PDGFD: variants seen among roughly 807,000 people sequenced by gnomAD.
PDGFD encodes the protein platelet-derived growth factor D.
PDGFD carries 30 observed loss-of-function variants against 44.7 expected under a neutral mutation model. That is an observed-to-expected ratio of 0.67 (90% CI 0.50 to 0.91). The LOEUF (loss-of-function observed/expected upper bound fraction) is 0.91, where lower values mean the gene tolerates loss of function less well. Ranked by LOEUF, PDGFD falls within the 40% of genes least tolerant of loss-of-function variation. The pLI is 0.00. For missense variants in PDGFD, 445 were observed against 457.8 expected (o/e 0.97, Z 0.25); for synonymous variants, 173 against 168.4 (o/e 1.03, Z -0.21).
At chr11:104,061,831 C>T (rs891890585) in intron 1 of PDGFD, among the ~76,000 whole-genome samples, 1 of 152,074 alleles carries the variant, frequency 6.6e-6, no homozygotes, top group African/African-American at 2.4e-5. Flanking sequence ...TGGTCTTGAA[C>T]GCCTGGCCTC....
chr11:104,119,959 ATATT>A (rs1310647581), intron 1 of PDGFD, among the ~76,000 whole-genome samples: 1 of 140,204 alleles, frequency 7.1e-6, no homozygotes, highest in East Asian at 2.0e-4. Context: ...AAGTTATTAT[ATATT>A]TATATTACAT....
intron 1 of PDGFD, among the ~76,000 whole-genome samples, chr11:104,125,351 G>A (rs1222452716): frequency 6.6e-6 from 1 of 151,754 alleles, no homozygotes; most frequent in Non-Finnish European, 1.5e-5. Context: ...GTTGGTTTGT[G>A]GATCAAAAGA....
At chr11:104,156,698 G>C (rs142198090) in intron 1 of PDGFD, among the ~76,000 whole-genome samples, 344 of 152,250 alleles carry the variant, frequency 2.3e-3, no homozygotes, top group African/African-American at 8.2e-3. Flanking sequence ...GCATACCAGA[G>C]GGAAGATGAA....
intron 5 of PDGFD, among the ~76,000 whole-genome samples, chr11:103,941,020 C>A (rs1013031720): frequency 5.9e-5 from 9 of 152,106 alleles, no homozygotes; most frequent in Non-Finnish European, 1.0e-4. Flanking sequence ...TTCCATCCCA[C>A]AAACATTAAT....
At chr11:103,926,405 A>G (rs1858315252) in intron 6 of PDGFD, among the ~76,000 whole-genome samples, 1 of 152,240 alleles carries the variant, frequency 6.6e-6, no homozygotes, top group Non-Finnish European at 1.5e-5. Context: ...GCACTTAATA[A>G]TAGTTAAAAT....
chr11:103,955,157 C>G (rs1222997029), intron 3 of PDGFD, among the ~76,000 whole-genome samples: 22 of 82,988 alleles, frequency 2.7e-4, no homozygotes, highest in African/African-American at 8.7e-4. Context: ...GAGCGAGACT[C>G]CGTCTCAAAA....
chr11:104,067,543 A>G (rs1860807652), intron 1 of PDGFD, among the ~76,000 whole-genome samples: 1 of 152,180 alleles, frequency 6.6e-6, no homozygotes, highest in Admixed American at 6.5e-5. Context: ...CCAAAGTATC[A>G]GCAAACATAT....
chr11:104,003,088 G>A (rs778695933), intron 1 of PDGFD, among the ~76,000 whole-genome samples: 5 of 152,148 alleles, frequency 3.3e-5, no homozygotes, highest in Non-Finnish European at 7.4e-5. Flanking sequence ...AATGGTTCTT[G>A]TCTTCGTACA....
chr11:103,923,050 A>T (rs539133025), intron 6 of PDGFD, among the ~76,000 whole-genome samples: 5 of 152,202 alleles, frequency 3.3e-5, no homozygotes, highest in Admixed American at 1.3e-4. Flanking sequence ...AGGTTGAACC[A>T]CTTTTTTGGG....
intron 1 of PDGFD, among the ~76,000 whole-genome samples, chr11:104,139,874 A>T (rs1862059966): frequency 2.4e-5 from 1 of 41,260 alleles, no homozygotes; most frequent in Non-Finnish European, 4.2e-5. Context: ...CGTCTCTACT[A>T]AAAAAAAAAA....
At position 103,907,949 on chromosome 11, in the gene PDGFD, T is replaced by A. The variant is rs946279870; in HGVS notation, c.*1745A>T. 2 of 152,206 alleles carry A rather than the reference T, an allele frequency of 1.3e-5. No individual in the cohort carries two copies. The highest frequency in any genetic ancestry group is 4.8e-5 in the African/African-American group (2 of 41,446). 9.4% of individuals were successfully genotyped at this position (152,206 alleles called of 1,614,324 possible). ...AAAGTTTTAGAAGGTACATCTTCAA[T>A]AAGCAGAGATCTTTCATCTCAAATA... is the stretch of plus-strand genomic sequence containing the variant. On this transcript the variant is annotated 3_prime_UTR_variant, in exon 7 of 7. Transcript: ENST00000393158.
Position 104,120,161 on chromosome 11 carries a change from T to C in PDGFD, c.124+43643A>G, listed in dbSNP as rs969606509. On this transcript the variant is annotated intron_variant, in intron 1 of 6. Transcript: ENST00000393158. ...CTTCCAAAGCCATCCTTAAATTGCA[T>C]TGATTATTTTTTCAGAAGGTATAGC... Among the ~76,000 whole-genome samples, 52 of 151,292 alleles carry C rather than the reference T, an allele frequency of 3.4e-4. 1 individual carries two copies. The highest frequency in any genetic ancestry group is 1.2e-3 in the African/African-American group (48 of 41,358).
At chr11:104,082,972 T>A (rs1201354432) in intron 1 of PDGFD, among the ~76,000 whole-genome samples, 1 of 152,168 alleles carries the variant, frequency 6.6e-6, no homozygotes, top group African/African-American at 2.4e-5. Flanking sequence ...CTATACTAGC[T>A]GTGGCCAAAG....
At chr11:104,020,866 G>T (rs1184231551) in intron 1 of PDGFD, among the ~76,000 whole-genome samples, 1 of 152,066 alleles carries the variant, frequency 6.6e-6, no homozygotes, top group Non-Finnish European at 1.5e-5. Context: ...ATAATCTATA[G>T]TTAGTGAAAG....
intron 5 of PDGFD, among the ~76,000 whole-genome samples, chr11:103,941,987 T>C (rs776777693): frequency 2.8e-4 from 43 of 152,086 alleles, no homozygotes; most frequent in Non-Finnish European, 5.3e-4. Flanking sequence ...CCTGGAGAGA[T>C]TCAGGGCTAT....
At chr11:104,018,317 C>T (rs1859892004) in intron 1 of PDGFD, among the ~76,000 whole-genome samples, 1 of 152,178 alleles carries the variant, frequency 6.6e-6, no homozygotes, top group African/African-American at 2.4e-5. Flanking sequence ...TGTGCACTTA[C>T]ATATCAGTAA....
chr11:103,997,769 C>T (rs1225334267), intron 2 of PDGFD, among the ~76,000 whole-genome samples: 1 of 152,246 alleles, frequency 6.6e-6, no homozygotes, highest in South Asian at 2.1e-4. Flanking sequence ...TTTAATAACA[C>T]CATAGGTCAC....
At chr11:104,104,993 T>A (rs1861452526) in intron 1 of PDGFD, among the ~76,000 whole-genome samples, 1 of 152,174 alleles carries the variant, frequency 6.6e-6, no homozygotes, top group Non-Finnish European at 1.5e-5. Flanking sequence ...TATACCAGCA[T>A]CATAAAAGAT....
chr11:104,011,870 T>G (rs1464080315), intron 1 of PDGFD, among the ~76,000 whole-genome samples: 1 of 152,062 alleles, frequency 6.6e-6, no homozygotes, highest in Non-Finnish European at 1.5e-5. Flanking sequence ...AAAAAAATAT[T>G]CAAGTGCTTT....
Sources: allele counts gnomAD v4.1 joint callset (sites outside exome capture counted in the v4.1 genomes callset), GRCh38; gene constraint gnomAD v4.1.1; transcripts MANE v1.5; gene names NCBI Gene and HGNC (gene_info 2026-07-23, HGNC 2026-07-21).